The following MAP3K20 variants were observed in gnomAD, a reference collection of about 807,000 sequenced individuals.
The protein encoded by MAP3K20 is mitogen-activated protein kinase kinase kinase 20.
In MAP3K20, 40 loss-of-function variants were observed where a neutral mutation model predicts 85.7. The ratio of observed to expected loss-of-function variants is 0.47; its 90% CI spans 0.36 to 0.61. MAP3K20 has a LOEUF of 0.61. Ranked by LOEUF, MAP3K20 falls within the 20% of genes least tolerant of loss-of-function variation. MAP3K20 has a pLI of 0.00. For synonymous variants in MAP3K20, 325 were observed against 327.7 expected (o/e 0.99, Z 0.09); for missense variants, 817 against 961.7 (o/e 0.85, Z 1.99).
At chr2:173,089,897 T>C (rs2106146072) in intron 1 of MAP3K20, among the ~76,000 whole-genome samples, 1 of 152,296 alleles carries the variant, frequency 6.6e-6, no homozygotes, top group South Asian at 2.1e-4. Context: ...AAGTTTTCCT[T>C]ATGCTAGAAG....
rs1685280191 is a variant in MAP3K20 at position 173,261,055 on chromosome 2, T to C, written c.1477-8T>C. The C allele has an allele frequency of 1.9e-6, 3 of 1,612,930 alleles. No homozygotes were observed. Among genetic ancestry groups the C allele is most frequent in the Non-Finnish European group, 2.5e-6 (3 of 1,179,180 alleles). On this transcript the variant is annotated splice_region_variant and splice_polypyrimidine_tract_variant and intron_variant, in intron 17 of 19. Coordinates refer to ENST00000375213, the MANE Select transcript of MAP3K20 (RefSeq NM_016653.3). ...TGGTACTACACCATCCTAACTTTTG[T>C]TTTTCAGCCACCATTTGTAATGGAG...
chr2:173,205,601 A>G (rs1683658901), intron 9 of MAP3K20, among the ~76,000 whole-genome samples: 1 of 152,158 alleles, frequency 6.6e-6, no homozygotes, highest in Admixed American at 6.5e-5. Flanking sequence ...GCTTGGCTTA[A>G]CTTGGAAGAA....
intron 11 of MAP3K20, chr2:173,221,353 T>C (rs1684242188): frequency 1.2e-6 from 2 of 1,614,040 alleles, no homozygotes; most frequent in Non-Finnish European, 1.7e-6. Context: ...CTGTGATGCA[T>C]TCTGGGATGC....
chr2:173,086,909 C>T (rs1687159827), intron 1 of MAP3K20, among the ~76,000 whole-genome samples: 1 of 152,196 alleles, frequency 6.6e-6, no homozygotes, highest in Admixed American at 6.5e-5. Context: ...CTGAAAGTCC[C>T]AAATACACTC....
chr2:173,172,579 G>A (rs961775193), intron 3 of MAP3K20, among the ~76,000 whole-genome samples: 6 of 152,076 alleles, frequency 3.9e-5, no homozygotes, highest in African/African-American at 7.2e-5. Context: ...GTATGTGTGT[G>A]TATACTTGTG....
intron 8 of MAP3K20, among the ~76,000 whole-genome samples, chr2:173,199,170 A>G (rs1690950216): frequency 6.6e-6 from 1 of 152,236 alleles, no homozygotes; most frequent in African/African-American, 2.4e-5. Context: ...TTCCCAGGTG[A>G]ATGCAGGAAC....
intron 14 of MAP3K20, among the ~76,000 whole-genome samples, chr2:173,232,849 G>A (rs1033320854): frequency 5.3e-5 from 8 of 152,166 alleles, no homozygotes; most frequent in African/African-American, 1.2e-4. Flanking sequence ...AGCAGATCAC[G>A]TGTTAGGGGC....
chr2:173,233,768 A>G (rs1684582404), intron 14 of MAP3K20, among the ~76,000 whole-genome samples: 1 of 152,200 alleles, frequency 6.6e-6, no homozygotes, highest in Admixed American at 6.5e-5. Flanking sequence ...TAAGGCCCAA[A>G]GAGAGCCCAT....
At chr2:173,139,148 T>C (rs1216525082) in intron 2 of MAP3K20, among the ~76,000 whole-genome samples, 1 of 152,198 alleles carries the variant, frequency 6.6e-6, no homozygotes, top group Non-Finnish European at 1.5e-5. Flanking sequence ...GAAGCAAGTG[T>C]GTATGATTCC....
At chr2:173,252,159 T>A (rs1342440636) in intron 16 of MAP3K20, among the ~76,000 whole-genome samples, 1 of 152,222 alleles carries the variant, frequency 6.6e-6, no homozygotes, top group Admixed American at 6.5e-5. Context: ...TTCTTCCTTG[T>A]GGGAGATCAC....
intron 11 of MAP3K20, chr2:173,221,492 G>A (rs1409607903): frequency 6.2e-6 from 10 of 1,604,096 alleles, no homozygotes; most frequent in Middle Eastern, 1.7e-4. Context: ...TGATGATGAC[G>A]GTGAGGAGGA....
chr2:173,180,601 A>G (rs1690295762), intron 3 of MAP3K20, among the ~76,000 whole-genome samples: 1 of 152,092 alleles, frequency 6.6e-6, no homozygotes. Flanking sequence ...GCTTAAACCC[A>G]GGAGGTTGAG....
intron 16 of MAP3K20, among the ~76,000 whole-genome samples, chr2:173,241,414 A>C (rs187511029): frequency 3.9e-5 from 6 of 152,254 alleles, no homozygotes; most frequent in Admixed American, 2.0e-4. Flanking sequence ...GGAGTTCGAG[A>C]CCAGCCTGGG....
intron 8 of MAP3K20, among the ~76,000 whole-genome samples, chr2:173,203,333 GTA>G (rs931744589): frequency 1.2e-3 from 185 of 152,214 alleles, no homozygotes; most frequent in African/African-American, 4.4e-3. Context: ...ACTGAGAAAT[GTA>G]GAGTTTTTAA....
chr2:173,195,644 T>TG (rs1574097058), intron 7 of MAP3K20, among the ~76,000 whole-genome samples: 1 of 150,404 alleles, frequency 6.6e-6, no homozygotes, highest in African/African-American at 2.4e-5. Flanking sequence ...TTGTTTAGTG[T>TG]GGAAAAAAAA....
chr2:173,109,165 A>G (rs894044820), intron 2 of MAP3K20, among the ~76,000 whole-genome samples: 6 of 152,230 alleles, frequency 3.9e-5, no homozygotes, highest in Non-Finnish European at 5.9e-5. Context: ...CATTAATTCT[A>G]CTTCAGAGTT....
Position 173,152,882 on chromosome 2 carries a change from G to T in MAP3K20, c.160-16923G>T, listed in dbSNP as rs148227279. 7.0e-3 allele frequency among the ~76,000 whole-genome samples: 1,062 copies of T among 152,280 alleles called. 6 individuals carry two copies. Among genetic ancestry groups the T allele is most frequent in the Non-Finnish European group, 0.011 (762 of 68,014 alleles). On this transcript the variant is annotated intron_variant, in intron 2 of 19. Coordinates refer to ENST00000375213, the MANE Select transcript of MAP3K20 (RefSeq NM_016653.3). Reference sequence around the variant, plus strand: ...ATAGTGAAGGCACACTCTAGGGAATGCTGGTAGCTGCCCAAACAGGTCCCT... The same window carrying T: ...ATAGTGAAGGCACACTCTAGGGAATTCTGGTAGCTGCCCAAACAGGTCCCT...
chr2:173,088,430 C>T (rs78628053), intron 1 of MAP3K20, among the ~76,000 whole-genome samples: 4,385 of 152,100 alleles, frequency 0.029, 104 homozygotes, highest in Admixed American at 0.059. Context: ...TTCTTGTCTT[C>T]CACAGAAGTT....
At chr2:173,140,613 G>T (rs1286748739) in intron 2 of MAP3K20, among the ~76,000 whole-genome samples, 1 of 152,190 alleles carries the variant, frequency 6.6e-6, no homozygotes, top group Non-Finnish European at 1.5e-5. Context: ...GCCTCCCAAA[G>T]TGCTGGGATT....
Sources: allele counts gnomAD v4.1 joint callset (sites outside exome capture counted in the v4.1 genomes callset), GRCh38; gene constraint gnomAD v4.1.1; transcripts MANE v1.5; gene names NCBI Gene and HGNC (gene_info 2026-07-23, HGNC 2026-07-21).